FAF1: variants seen among roughly 807,000 people sequenced by gnomAD.
FAF1 encodes FAS-associated factor 1.
A neutral mutation model predicts 92.5 loss-of-function variants in FAF1; 25 were observed. The ratio of observed to expected loss-of-function variants is 0.27; its 90% CI spans 0.20 to 0.38. The LOEUF (loss-of-function observed/expected upper bound fraction) is 0.38. Ranked by LOEUF, FAF1 falls within the 10% of genes least tolerant of loss-of-function variation. The probability of loss-of-function intolerance (pLI) is 1.00; values close to 1 mark genes in which losing one functional copy is unlikely to be tolerated. For missense variants in FAF1, 636 were observed against 793.3 expected (o/e 0.80, Z 2.38); for synonymous variants, 234 against 273.2 (o/e 0.86, Z 1.42).
At chr1:50,917,449 A>G (rs1366145753) in intron 1 of FAF1, among the ~76,000 whole-genome samples, 2 of 152,170 alleles carry the variant, frequency 1.3e-5, no homozygotes, top group African/African-American at 2.4e-5. Context: ...AGATTTTTGC[A>G]GCAATCAGAG....
chr1:50,864,790 C>CA (rs1644466227), intron 1 of FAF1, among the ~76,000 whole-genome samples: 1 of 152,150 alleles, frequency 6.6e-6, no homozygotes, highest in Admixed American at 6.6e-5. Flanking sequence ...GCAAGGACTT[C>CA]ATGTGTAAAA....
intron 8 of FAF1, among the ~76,000 whole-genome samples, chr1:50,602,503 C>CTTT (rs1424715054): frequency 4.4e-5 from 6 of 136,698 alleles, no homozygotes; most frequent in African/African-American, 8.1e-5. Flanking sequence ...TAAAGTATTG[C>CTTT]TTTTTTTTTT....
intron 7 of FAF1, among the ~76,000 whole-genome samples, chr1:50,670,292 T>C (rs939694936): frequency 6.6e-6 from 1 of 152,080 alleles, no homozygotes; most frequent in African/African-American, 2.4e-5. Flanking sequence ...TTCGCCATGT[T>C]GTGCAGGCTG....
At chr1:50,799,303 A>AAACT (rs1173530173) in intron 3 of FAF1, among the ~76,000 whole-genome samples, 2 of 152,210 alleles carry the variant, frequency 1.3e-5, no homozygotes, top group Non-Finnish European at 1.5e-5. Flanking sequence ...GTAAAATGTA[A>AAACT]ACATTTACCT....
At chr1:50,796,120 A>T (rs1661741058) in intron 3 of FAF1, among the ~76,000 whole-genome samples, 1 of 152,186 alleles carries the variant, frequency 6.6e-6, no homozygotes, top group African/African-American at 2.4e-5. Context: ...AAAACAGGGA[A>T]TACAGAATAA....
intron 1 of FAF1, among the ~76,000 whole-genome samples, chr1:50,921,122 C>T (rs997613455): frequency 1.3e-5 from 2 of 152,182 alleles, no homozygotes; most frequent in Admixed American, 1.3e-4. Flanking sequence ...AAAAATCAAA[C>T]ATACAATTAC....
At chr1:50,734,711 G>A (rs1375098858) in intron 6 of FAF1, among the ~76,000 whole-genome samples, 3 of 150,848 alleles carry the variant, frequency 2.0e-5, no homozygotes, top group Non-Finnish European at 1.5e-5. Flanking sequence ...TCCAGCCTGG[G>A]CGATAGAGCG....
chr1:50,702,099 G>A (rs994764639), intron 7 of FAF1, among the ~76,000 whole-genome samples: 1 of 152,026 alleles, frequency 6.6e-6, no homozygotes, highest in African/African-American at 2.4e-5. Context: ...TTGCCTAACA[G>A]AAGCTTCTGC....
chr1:50,531,283 G>A (rs552340800), intron 15 of FAF1, among the ~76,000 whole-genome samples: 1 of 152,268 alleles, frequency 6.6e-6, no homozygotes, highest in South Asian at 2.1e-4. Context: ...AAGCCTGGAA[G>A]TGAGTAATCC....
At chr1:50,751,255 T>C (rs186606430) in intron 4 of FAF1, among the ~76,000 whole-genome samples, 14 of 151,914 alleles carry the variant, frequency 9.2e-5, no homozygotes, top group Non-Finnish European at 1.8e-4. Flanking sequence ...GATAATGAAA[T>C]ACTAAATACT....
chr1:50,943,635 A>G (rs1240927099), intron 1 of FAF1, among the ~76,000 whole-genome samples: 1 of 152,024 alleles, frequency 6.6e-6, no homozygotes, highest in Non-Finnish European at 1.5e-5. Context: ...TTATAAAGAT[A>G]ATTCTTCACA....
At chr1:50,622,299 C>A (rs549250419) in intron 8 of FAF1, among the ~76,000 whole-genome samples, 4 of 152,160 alleles carry the variant, frequency 2.6e-5, no homozygotes, top group African/African-American at 9.7e-5. Context: ...CTTAATACAC[C>A]CCTTTCCCAA....
chr1:50,491,266 C>G (rs1431812233), intron 16 of FAF1, among the ~76,000 whole-genome samples: 1 of 152,220 alleles, frequency 6.6e-6, no homozygotes, highest in Non-Finnish European at 1.5e-5. Flanking sequence ...TATGTTACAG[C>G]TACTTGTGTT....
At chr1:50,741,758 G>A (rs1392168710) in intron 5 of FAF1, among the ~76,000 whole-genome samples, 1 of 152,210 alleles carries the variant, frequency 6.6e-6, no homozygotes, top group Non-Finnish European at 1.5e-5. Flanking sequence ...GCCAGTTTTG[G>A]ATTCAGCAGT....
intron 8 of FAF1, among the ~76,000 whole-genome samples, chr1:50,639,591 TTC>T (rs1480857394): frequency 2.0e-5 from 3 of 152,218 alleles, no homozygotes; most frequent in African/African-American, 7.2e-5. Flanking sequence ...ACTCTTTTTG[TTC>T]TTTTTTTTTG....
intron 1 of FAF1, among the ~76,000 whole-genome samples, chr1:50,871,005 G>T (rs925797144): frequency 2.0e-5 from 3 of 152,220 alleles, no homozygotes; most frequent in Non-Finnish European, 4.4e-5. Context: ...TTACTCTAGT[G>T]AATATACAAA....
chr1:50,872,408 T>A (rs1046372063), intron 1 of FAF1, among the ~76,000 whole-genome samples: 2 of 152,214 alleles, frequency 1.3e-5, no homozygotes, highest in Admixed American at 6.5e-5. Context: ...CCTGAATAGA[T>A]ACGAAGTTGC....
At chr1:50,558,231 C>T (rs1649688873) in intron 13 of FAF1, among the ~76,000 whole-genome samples, 1 of 151,780 alleles carries the variant, frequency 6.6e-6, no homozygotes, top group Admixed American at 6.6e-5. Flanking sequence ...AGATATTTAT[C>T]TTATTTTTAG....
intron 2 of FAF1, among the ~76,000 whole-genome samples, chr1:50,813,017 T>C (rs144304254): frequency 6.6e-6 from 1 of 152,084 alleles, no homozygotes; most frequent in African/African-American, 2.4e-5. Flanking sequence ...AGGTAAATAC[T>C]CAGTTACATA....
Sources: gnomAD v4.1 joint callset for allele counts (sites outside exome capture counted in the v4.1 genomes callset) on GRCh38, gnomAD v4.1.1 for gene constraint, MANE v1.5 for transcripts, NCBI Gene and HGNC (gene_info 2026-07-23, HGNC 2026-07-21) for gene names.